Variants in MYO18A observed in about 807,000 individuals in gnomAD.
MYO18A encodes the protein myosin XVIIIA.
MYO18A carries 78 observed loss-of-function variants against 235.8 expected under a neutral mutation model. That is an observed-to-expected ratio of 0.33 (90% CI 0.28 to 0.40). The LOEUF is 0.40. Ranked by LOEUF, MYO18A falls within the 10% of genes least tolerant of loss-of-function variation. MYO18A has a pLI of 1.00. For synonymous variants in MYO18A, 977 were observed against 1,077.8 expected (o/e 0.91, Z 1.83); for missense variants, 2,215 against 2,699.3 (o/e 0.82, Z 3.98).
At chr17:29,082,658 G>C (rs1008591825) in intron 40 of MYO18A, among the ~76,000 whole-genome samples, 13 of 152,196 alleles carry the variant, frequency 8.5e-5, no homozygotes, top group African/African-American at 3.1e-4. Context: ...CCACCAAGAA[G>C]ACCCTCAGGA....
At chr17:29,139,641 CG>C (rs1470283875) in intron 2 of MYO18A, among the ~76,000 whole-genome samples, 1 of 152,134 alleles carries the variant, frequency 6.6e-6, no homozygotes, top group African/African-American at 2.4e-5. Context: ...GTCAGGGGAA[CG>C]GGAAGGACTG....
chr17:29,093,202 C>T (rs1254811997), intron 32 of MYO18A, 121 bp downstream of exon 32: 10 of 1,087,100 alleles, frequency 9.2e-6, no homozygotes, highest in Middle Eastern at 2.8e-4. Context: ...TGACGATGGG[C>T]TCTTTGCAGC....
At position 29,120,799 on chromosome 17, in the gene MYO18A, G is replaced by T. The variant is rs144646981; in HGVS notation, c.1586-41C>A. The T allele has an allele frequency of 8.8e-6, 14 of 1,596,494 alleles. No individual in the cohort carries two copies. Among genetic ancestry groups the T allele is most frequent in the Non-Finnish European group, 1.1e-5 (13 of 1,169,744 alleles). Reference sequence around the variant, plus strand: ...CCAAGGGGATATCAGGAAAGCCAGGGGCAGCTTATCCCCCAGCTAGGAGCT... The same window carrying T: ...CCAAGGGGATATCAGGAAAGCCAGGTGCAGCTTATCCCCCAGCTAGGAGCT... On this transcript the variant is annotated intron_variant, in intron 6 of 41. Transcript: ENST00000527372. This position sits in a 1 kb window ranked among gnomAD's most constrained non-coding sequence, Gnocchi z 4.2.
At chr17:29,175,823 GC>G (rs2068511720) in intron 1 of MYO18A, among the ~76,000 whole-genome samples, 1 of 152,132 alleles carries the variant, frequency 6.6e-6, no homozygotes, top group East Asian at 1.9e-4. Flanking sequence ...ACTTTGGGAG[GC>G]CGAGGCAGGT....
intron 14 of MYO18A, 56 bp from the exon 15 acceptor site, chr17:29,114,153 CT>C (rs2067001562): frequency 7.3e-7 from 1 of 1,371,906 alleles, no homozygotes; most frequent in African/African-American, 1.4e-5. Flanking sequence ...GGGGAACAGC[CT>C]TGTGAGTAGG....
Position 29,109,873 on chromosome 17 carries a change from G to T in MYO18A, c.3316C>A (p.Arg1106Ser), listed in dbSNP as rs757196330. Residue 1106 changes from arginine to serine, a missense_variant, in exon 19 of 42, where the codon CGC becomes AGC. Physicochemically the swap from Arg to Ser is moderately radical, Grantham distance 110. Coordinates refer to ENST00000527372, the MANE Select transcript of MYO18A (RefSeq NM_078471.4). This position sits in a 1 kb window ranked among gnomAD's most constrained non-coding sequence, Gnocchi z 4.1. ...GAGGCCCCACCTTGGCGGTACATGC[G>T]CATGGCATCGAGCAGGCGGGAGCCG... ...LRGSRLLDAM[R>S]MYRQGYPDHM... The T allele has an allele frequency of 3.2e-6, 5 of 1,561,986 alleles. No homozygotes were observed. The highest frequency in any genetic ancestry group is 2.4e-5 in the South Asian group (2 of 84,900).
chr17:29,114,269 T>C, intron 14 of MYO18A, 172 bp from the exon 15 acceptor site: 1 of 587,106 alleles, frequency 1.7e-6, no homozygotes, highest in Non-Finnish European at 3.0e-6. Flanking sequence ...CACACTGTAT[T>C]TTTTGCACAG....
intron 1 of MYO18A, among the ~76,000 whole-genome samples, chr17:29,173,622 C>G (rs957655160): frequency 6.7e-6 from 1 of 148,646 alleles, no homozygotes; most frequent in Non-Finnish European, 1.5e-5. Flanking sequence ...CTCCTGACCT[C>G]GTGATCCGCC....
chr17:29,156,464 G>T (rs1448626475), intron 2 of MYO18A, among the ~76,000 whole-genome samples: 1 of 152,174 alleles, frequency 6.6e-6, no homozygotes, highest in Non-Finnish European at 1.5e-5. Flanking sequence ...GAGATGCCAG[G>T]CCCCAGGCAT....
chr17:29,175,981 C>T (rs1023456282), intron 1 of MYO18A, among the ~76,000 whole-genome samples: 1 of 152,086 alleles, frequency 6.6e-6, no homozygotes, highest in Non-Finnish European at 1.5e-5. Flanking sequence ...TTGCTTGAAC[C>T]CCGGAGGCGG....
At chr17:29,085,240 T>A (rs1363486238) in intron 40 of MYO18A, among the ~76,000 whole-genome samples, 1 of 152,154 alleles carries the variant, frequency 6.6e-6, no homozygotes, top group African/African-American at 2.4e-5. Flanking sequence ...CCAAACAGAC[T>A]TTTCCCCCCA....
Position 29,117,373 on chromosome 17 carries a change from TGGA to T in MYO18A, c.2038+669_2038+671del, listed in dbSNP as rs2067099292. ...GGAAGATACGGAGCTACCCAACCAG[TGGA>T]GAAGGGAAGAGGACTGGGGAAAACT... is the stretch of plus-strand genomic sequence containing the variant. On this transcript the variant is annotated intron_variant, in intron 10 of 41. Coordinates refer to ENST00000527372, the MANE Select transcript of MYO18A (RefSeq NM_078471.4). This position sits in a 1 kb window ranked among gnomAD's most constrained non-coding sequence, Gnocchi z 4.6. Among the ~76,000 whole-genome samples, 1 of 151,606 alleles carries T rather than the reference TGGA, an allele frequency of 6.6e-6. No individual in the cohort carries two copies. Among genetic ancestry groups the T allele is most frequent in the Non-Finnish European group, 1.5e-5 (1 of 67,914 alleles).
Position 29,090,946 on chromosome 17 carries a change from G to A in MYO18A, c.5188-20C>T. The A allele has an allele frequency of 6.2e-7, 1 of 1,601,768 alleles. No individual in the cohort carries two copies. The highest frequency in any genetic ancestry group is 2.2e-5 in the East Asian group (1 of 44,824). On this transcript the variant is annotated intron_variant, in intron 34 of 41. Coordinates refer to ENST00000527372, the MANE Select transcript of MYO18A (RefSeq NM_078471.4). The stretch of plus-strand genomic sequence containing the variant: ...CTCCAGCTGGAGAGAGGCAAAGACA[G>A]ATCAGAGGGCCTCAGGCCCAGTGTG...
intron 2 of MYO18A, among the ~76,000 whole-genome samples, chr17:29,160,710 C>T (rs965132266): frequency 9.2e-5 from 14 of 152,174 alleles, no homozygotes; most frequent in African/African-American, 3.1e-4. Context: ...CCCACCTGAG[C>T]GTGGAGGTGG....
intron 2 of MYO18A, among the ~76,000 whole-genome samples, chr17:29,148,609 T>TGTGTGTGTA (rs1353014409): frequency 6.6e-6 from 1 of 152,058 alleles, no homozygotes; most frequent in Non-Finnish European, 1.5e-5. Flanking sequence ...TGTGTGTGTG[T>TGTGTGTGTA]GTGTGTGTAA....
At chr17:29,087,880 G>A (rs1175738038) in intron 37 of MYO18A, among the ~76,000 whole-genome samples, 1 of 151,892 alleles carries the variant, frequency 6.6e-6, no homozygotes, top group African/African-American at 2.4e-5. Flanking sequence ...CTAGGCCCAA[G>A]AGAAAAGGAG....
At chr17:29,169,958 T>G (rs1029497621) in intron 1 of MYO18A, among the ~76,000 whole-genome samples, 2 of 152,108 alleles carry the variant, frequency 1.3e-5, no homozygotes, top group Admixed American at 6.5e-5. Flanking sequence ...TCACTGTCAT[T>G]GCAGCAGGCA....
At chr17:29,145,941 T>C (rs1236427992) in intron 2 of MYO18A, among the ~76,000 whole-genome samples, 2 of 151,718 alleles carry the variant, frequency 1.3e-5, no homozygotes, top group African/African-American at 4.8e-5. Flanking sequence ...AATTCCAGGG[T>C]GAAGAAGTAG....
At chr17:29,150,799 C>G (rs1419400780) in intron 2 of MYO18A, among the ~76,000 whole-genome samples, 1 of 152,166 alleles carries the variant, frequency 6.6e-6, no homozygotes, top group Non-Finnish European at 1.5e-5. Context: ...TTGAAAGACC[C>G]TATAGAGGAT....
Sources: gnomAD v4.1 joint callset for allele counts (sites outside exome capture counted in the v4.1 genomes callset) on GRCh38, gnomAD v4.1.1 for gene constraint, Gnocchi (gnomAD v3.1) non-coding constraint, MANE v1.5 for transcripts, NCBI Gene and HGNC (gene_info 2026-07-23, HGNC 2026-07-21) for gene names.